The following CCDC39 variants were observed in gnomAD, a reference collection of about 807,000 sequenced individuals.
CCDC39 encodes coiled-coil domain-containing protein 39.
In CCDC39, 113 loss-of-function variants were observed where a neutral mutation model predicts 121.0. The ratio of observed to expected loss-of-function variants is 0.93; its 90% CI spans 0.80 to 1.09. The LOEUF (loss-of-function observed/expected upper bound fraction) is 1.09. Ranked by LOEUF, CCDC39 falls within the 50% of genes least tolerant of loss-of-function variation. The pLI, the probability that CCDC39 is intolerant of heterozygous loss-of-function variation, is 0.00. For missense variants in CCDC39, 1,063 were observed against 1,074.7 expected (o/e 0.99, Z 0.15); for synonymous variants, 349 against 352.2 (o/e 0.99, Z 0.10).
Position 180,654,747 on chromosome 3 carries a change from T to C in CCDC39, c.930+15A>G. 6.3e-7 allele frequency: 1 copy of C among 1,582,252 alleles called. No individual in the cohort carries two copies. The highest frequency in any genetic ancestry group is 8.6e-7 in the Non-Finnish European group (1 of 1,159,670). On this transcript the variant is annotated intron_variant, in intron 7 of 19. Coordinates refer to ENST00000476379, the MANE Select transcript of CCDC39 (RefSeq NM_181426.2). ...GTCGTGAACATACAAGCCAGTCTTT[T>C]TTGAGTTGACATACCTCACCCTTCA...
chr3:180,634,728 C>T (rs1376476548), intron 13 of CCDC39, among the ~76,000 whole-genome samples: 1 of 152,078 alleles, frequency 6.6e-6, no homozygotes, highest in Non-Finnish European at 1.5e-5. Flanking sequence ...AGCCACACAG[C>T]CAAGCAAGAG....
At chr3:180,620,733 C>T (rs1047713563) in intron 14 of CCDC39, among the ~76,000 whole-genome samples, 9 of 151,958 alleles carry the variant, frequency 5.9e-5, no homozygotes, top group Non-Finnish European at 1.2e-4. Flanking sequence ...GTATTTAAAC[C>T]TGAATGTAGT....
At chr3:180,671,229 A>C (rs953692131) in intron 1 of CCDC39, among the ~76,000 whole-genome samples, 3 of 151,724 alleles carry the variant, frequency 2.0e-5, no homozygotes, top group Admixed American at 6.6e-5. Flanking sequence ...AAAAAAAAAA[A>C]AAAGTTATCA....
intron 1 of CCDC39, among the ~76,000 whole-genome samples, chr3:180,670,588 G>A (rs922079784): frequency 6.7e-6 from 1 of 149,914 alleles, no homozygotes; most frequent in Non-Finnish European, 1.5e-5. Flanking sequence ...TAATTCCACA[G>A]ATGGTGCTTC....
At chr3:180,668,357 C>CA (rs941667841) in intron 1 of CCDC39, among the ~76,000 whole-genome samples, 7 of 151,872 alleles carry the variant, frequency 4.6e-5, no homozygotes, top group Non-Finnish European at 7.4e-5. Context: ...CTAGCCTGCG[C>CA]AAAAAAATGA....
intron 1 of CCDC39, among the ~76,000 whole-genome samples, chr3:180,677,164 AATTT>A (rs1712244281): frequency 1.2e-5 from 1 of 86,442 alleles, no homozygotes; most frequent in African/African-American, 5.7e-5. Flanking sequence ...TAATAATAAT[AATTT>A]TATATATATA....
intron 1 of CCDC39, among the ~76,000 whole-genome samples, chr3:180,675,316 C>T (rs183809733): frequency 3.3e-5 from 5 of 152,198 alleles, no homozygotes; most frequent in Non-Finnish European, 7.4e-5. Context: ...TCCATGGGAT[C>T]GGTGGTGATA....
intron 2 of CCDC39, among the ~76,000 whole-genome samples, chr3:180,663,207 C>T (rs780506093): frequency 5.9e-5 from 9 of 152,014 alleles, no homozygotes; most frequent in Non-Finnish European, 1.2e-4. Context: ...CTACTGGCCT[C>T]CACTCAAAAT....
chr3:180,641,775 A>C (rs1280782384), intron 13 of CCDC39, among the ~76,000 whole-genome samples: 1 of 152,168 alleles, frequency 6.6e-6, no homozygotes, highest in Non-Finnish European at 1.5e-5. Flanking sequence ...CAAGTAGATT[A>C]GTGATCTTAA....
intron 13 of CCDC39, among the ~76,000 whole-genome samples, chr3:180,635,426 A>G (rs111781953): frequency 0.13 from 20,262 of 152,178 alleles, 2,927 homozygotes; most frequent in African/African-American, 0.36. Flanking sequence ...CCAAAGTCTC[A>G]TCTGAGACAA....
intron 14 of CCDC39, among the ~76,000 whole-genome samples, chr3:180,622,432 G>C (rs1717452419): frequency 6.6e-6 from 1 of 151,964 alleles, no homozygotes; most frequent in Non-Finnish European, 1.5e-5. Context: ...CTGTGGTTAG[G>C]ACTTCCAGTA....
chr3:180,625,825 C>T (rs1355802912), intron 14 of CCDC39, among the ~76,000 whole-genome samples: 1 of 151,652 alleles, frequency 6.6e-6, no homozygotes, highest in Admixed American at 6.6e-5. Flanking sequence ...TTGCTGGGGT[C>T]TAGGATGCCA....
intron 4 of CCDC39, among the ~76,000 whole-genome samples, chr3:180,660,116 A>G (rs1198387289): frequency 1.3e-5 from 2 of 152,126 alleles, no homozygotes; most frequent in Non-Finnish European, 2.9e-5. Context: ...CTTTATTAGT[A>G]TCACCAGATA....
intron 12 of CCDC39, among the ~76,000 whole-genome samples, chr3:180,642,990 T>C (rs976374494): frequency 6.6e-6 from 1 of 151,810 alleles, no homozygotes; most frequent in Non-Finnish European, 1.5e-5. Flanking sequence ...GACGGAGTCT[T>C]ACTCTGTCGC....
chr3:180,672,929 T>G (rs1283811449), intron 1 of CCDC39, among the ~76,000 whole-genome samples: 1 of 152,172 alleles, frequency 6.6e-6, no homozygotes, highest in African/African-American at 2.4e-5. Context: ...AGAAGAATAT[T>G]CCAGCCCTTA....
At chr3:180,631,818 G>A (rs1433154841) in intron 13 of CCDC39, among the ~76,000 whole-genome samples, 3 of 152,110 alleles carry the variant, frequency 2.0e-5, no homozygotes, top group Admixed American at 6.5e-5. Context: ...TTGTTCTCAC[G>A]TTTTAATTTA....
chr3:180,624,744 T>C (rs886615650), intron 14 of CCDC39, among the ~76,000 whole-genome samples: 1 of 152,188 alleles, frequency 6.6e-6, no homozygotes, highest in Non-Finnish European at 1.5e-5. Context: ...ATGAAGCTTA[T>C]TCTTGCTGGA....
At chr3:180,651,578 G>C (rs1411801289) in intron 8 of CCDC39, 45 bp from the exon 9 acceptor site, 6 of 1,471,464 alleles carry the variant, frequency 4.1e-6, no homozygotes, top group Non-Finnish European at 5.4e-6. Flanking sequence ...TGCCTAAAAA[G>C]CATTTCATAC....
chr3:180,643,451 A>C (rs1478950523), intron 12 of CCDC39, among the ~76,000 whole-genome samples: 1 of 152,180 alleles, frequency 6.6e-6, no homozygotes, highest in African/African-American at 2.4e-5. Context: ...CATTAAACAA[A>C]ATATTTTTAA....
Sources: allele counts gnomAD v4.1 joint callset (sites outside exome capture counted in the v4.1 genomes callset), GRCh38; gene constraint gnomAD v4.1.1; transcripts MANE v1.5; gene names NCBI Gene and HGNC (gene_info 2026-07-23, HGNC 2026-07-21).